SLC2A9: variants seen among roughly 807,000 people sequenced by gnomAD.
SLC2A9 encodes solute carrier family 2 member 9, also known as solute carrier family 2, facilitated glucose transporter member 9.
A neutral mutation model predicts 50.6 loss-of-function variants in SLC2A9; 39 were observed. The ratio of observed to expected loss-of-function variants is 0.77; its 90% CI spans 0.60 to 1.01. SLC2A9 has a LOEUF of 1.01. Among genes scored for constraint, SLC2A9 ranks in the 50% least tolerant of loss-of-function variants. SLC2A9 has a pLI of 0.00. For missense variants in SLC2A9, 686 were observed against 677.6 expected (o/e 1.01, Z -0.14); for synonymous variants, 324 against 276.9 (o/e 1.17, Z -1.69).
chr4:10,000,388 A>T (rs1329582844), intron 2 of SLC2A9, among the ~76,000 whole-genome samples: 1 of 152,182 alleles, frequency 6.6e-6, no homozygotes, highest in Non-Finnish European at 1.5e-5. Flanking sequence ...CTTGGCTGCA[A>T]GTAACAGGAA....
chr4:10,021,995 C>T (rs180747373), upstream of SLC2A9, among the ~76,000 whole-genome samples: 18 of 152,204 alleles, frequency 1.2e-4, no homozygotes, highest in Admixed American at 9.8e-4. Flanking sequence ...TGTGCCACCA[C>T]GCCTGGCTGA....
In SLC2A9 at chr4:9,920,436, C is replaced by G. The variant is rs776815888; in HGVS notation, c.951G>C (p.Val317=). Residue 317 remains valine (V), a synonymous_variant, in exon 7 of 12, where the codon GTG becomes GTC. Coordinates refer to ENST00000264784, the MANE Select transcript of SLC2A9 (RefSeq NM_020041.3). ...AGGCCATGGTGACAATCACGGTGAC[C>G]ACCTGCCAGCGGACGTAGGGAGCTC... ...LLRAPYVRWQ[V]VTVIVTMACY... 6.2e-6 allele frequency: 10 copies of G among 1,614,058 alleles called. No individual in the cohort carries two copies. In the East Asian group the frequency reaches 2.0e-4, roughly 32 times the overall value.
chr4:9,941,738 G>A (rs780998416), intron 6 of SLC2A9, among the ~76,000 whole-genome samples, 175 bp downstream of exon 6: 1 of 152,190 alleles, frequency 6.6e-6, no homozygotes, highest in South Asian at 2.1e-4. Context: ...CTGTCCCCCA[G>A]CAAGGCTGTT....
At chr4:9,778,395 C>T (rs1441119265), downstream of SLC2A9, among the ~76,000 whole-genome samples, 17 of 152,162 alleles carry the variant, frequency 1.1e-4, no homozygotes, top group Non-Finnish European at 2.1e-4. Context: ...ACTGGGATTA[C>T]AGGTGTGGGC....
intron 2 of SLC2A9, among the ~76,000 whole-genome samples, chr4:10,012,045 C>A (rs1263439618): frequency 6.6e-6 from 1 of 152,222 alleles, no homozygotes; most frequent in Non-Finnish European, 1.5e-5. Flanking sequence ...CTCACCCATT[C>A]ATTTACATAT....
chr4:9,901,328 T>G (rs761509674), intron 8 of SLC2A9, among the ~76,000 whole-genome samples: 14 of 152,170 alleles, frequency 9.2e-5, no homozygotes, highest in Non-Finnish European at 1.9e-4. Context: ...CATAGAATCA[T>G]TATTTATCAA....
chr4:9,916,968 G>C (rs778159408), intron 7 of SLC2A9, among the ~76,000 whole-genome samples: 7 of 152,192 alleles, frequency 4.6e-5, no homozygotes, highest in Non-Finnish European at 1.0e-4. Flanking sequence ...CCATCTCCCA[G>C]GATGGAGACC....
At chr4:9,918,492 G>C (rs1160626419) in intron 7 of SLC2A9, among the ~76,000 whole-genome samples, 1 of 152,210 alleles carries the variant, frequency 6.6e-6, no homozygotes, top group Non-Finnish European at 1.5e-5. Flanking sequence ...ATGCATGGGG[G>C]TGCTCTGAGG....
chr4:9,884,266 T>C (rs1176582008), intron 10 of SLC2A9, among the ~76,000 whole-genome samples: 1 of 152,204 alleles, frequency 6.6e-6, no homozygotes, highest in African/African-American at 2.4e-5. Flanking sequence ...TGTTACTTTT[T>C]TAAACAATTT....
intron 3 of SLC2A9, among the ~76,000 whole-genome samples, chr4:9,992,634 A>G (rs2109241515): frequency 6.6e-6 from 1 of 152,360 alleles, no homozygotes; most frequent in Admixed American, 6.5e-5. Context: ...TTATACCTCC[A>G]TGGGAGAGAT....
intron 11 of SLC2A9, 29 bp from the exon 12 acceptor site, chr4:9,826,629 A>G: frequency 1.9e-6 from 3 of 1,600,432 alleles, no homozygotes; most frequent in Non-Finnish European, 2.6e-6. Flanking sequence ...AAAAACCCTC[A>G]AATAGATAAT....
intron 1 of SLC2A9, 138 bp downstream of exon 1, chr4:10,021,142 T>G: frequency 1.1e-6 from 1 of 890,090 alleles, no homozygotes; most frequent in East Asian, 2.5e-5. Flanking sequence ...CAACTCAAAC[T>G]GAGGCCTCCC....
chr4:9,955,253 G>A (rs1241447280), intron 5 of SLC2A9, among the ~76,000 whole-genome samples: 1 of 111,870 alleles, frequency 8.9e-6, no homozygotes, highest in Non-Finnish European at 1.8e-5. Context: ...AGCACTTTGG[G>A]AGGCCGAGGC....
At position 10,036,677 on chromosome 4, in the gene SLC2A9, T is replaced by C. The variant is rs143763644; in HGVS notation, c.-41+3453A>G. Among the ~76,000 whole-genome samples the C allele has an allele frequency of 2.5e-3, 382 of 152,372 alleles. 6 individuals carry two copies. The highest frequency in any genetic ancestry group is 9.0e-3 in the African/African-American group (373 of 41,582). Reference sequence around the variant, plus strand: ...CGGTCATTTGGGTTTTCTCCCTTTTTCCAATACTACACACAGCTCTGTAGT... The same window carrying C: ...CGGTCATTTGGGTTTTCTCCCTTTTCCCAATACTACACACAGCTCTGTAGT... On this transcript the variant is annotated intron_variant, in intron 1 of 12. Transcript: ENST00000309065.
At chr4:9,889,171 C>T (rs1441203729) in intron 9 of SLC2A9, among the ~76,000 whole-genome samples, 2 of 151,902 alleles carry the variant, frequency 1.3e-5, no homozygotes, top group Non-Finnish European at 2.9e-5. Context: ...GGGGAGGCTT[C>T]CTGCAGGAAG....
intron 10 of SLC2A9, among the ~76,000 whole-genome samples, chr4:9,842,953 A>C (rs1467276920): frequency 6.6e-6 from 1 of 152,130 alleles, no homozygotes; most frequent in Non-Finnish European, 1.5e-5. Context: ...TGTTATTAGC[A>C]ACACCACCAT....
At chr4:10,008,332 C>A (rs1476480130) in intron 2 of SLC2A9, among the ~76,000 whole-genome samples, 1 of 152,204 alleles carries the variant, frequency 6.6e-6, no homozygotes, top group Non-Finnish European at 1.5e-5. Flanking sequence ...ACCTGGACAC[C>A]AACGCCCCAG....
downstream of SLC2A9, among the ~76,000 whole-genome samples, chr4:9,825,786 G>T (rs1725042095): frequency 6.6e-6 from 1 of 152,142 alleles, no homozygotes; most frequent in Admixed American, 6.5e-5. Flanking sequence ...GCAGGCTGGT[G>T]TGTTGGTATT....
chr4:9,818,166 C>T (rs183634992), intron 3 of SLC2A9, among the ~76,000 whole-genome samples: 2 of 152,150 alleles, frequency 1.3e-5, no homozygotes, highest in South Asian at 4.1e-4. Flanking sequence ...CCATGCTGAG[C>T]GGGTGTCCTT....
Sources: gnomAD v4.1 joint callset for allele counts (sites outside exome capture counted in the v4.1 genomes callset) on GRCh38, gnomAD v4.1.1 for gene constraint, MANE v1.5 for transcripts, NCBI Gene and HGNC (gene_info 2026-07-23, HGNC 2026-07-21) for gene names.